Variants in SH3RF3 observed in about 807,000 individuals in gnomAD.
SH3RF3 encodes E3 ubiquitin-protein ligase SH3RF3.
Under a neutral mutation model 66.3 loss-of-function variants are expected in SH3RF3, and 29 were observed. The observed-to-expected ratio is 0.44, with a 90% CI of 0.33 to 0.60. The LOEUF is 0.60. Among genes scored for constraint, SH3RF3 ranks in the 20% least tolerant of loss-of-function variants. The pLI is 0.04. For missense variants in SH3RF3, 1,194 were observed against 1,190.9 expected, an observed-to-expected ratio of 1.00 and a Z score of -0.04; for synonymous variants, 583 against 532.0, an observed-to-expected ratio of 1.10 and a Z score of -1.32.
intron 2 of SH3RF3, among the ~76,000 whole-genome samples, chr2:109,360,029 T>G (rs1325149041): frequency 1.3e-5 from 2 of 149,970 alleles, no homozygotes; most frequent in African/African-American, 4.9e-5. Flanking sequence ...ACCCACTTAC[T>G]GGTCCCTTAA....
At chr2:109,281,134 T>C (rs1384817873) in intron 1 of SH3RF3, among the ~76,000 whole-genome samples, 1 of 152,200 alleles carries the variant, frequency 6.6e-6, no homozygotes, top group South Asian at 2.1e-4. Flanking sequence ...AGTTGTCACC[T>C]ATGCCATAGG....
chr2:109,343,829 C>T (rs543499989), intron 1 of SH3RF3, among the ~76,000 whole-genome samples: 3 of 151,814 alleles, frequency 2.0e-5, no homozygotes, highest in Admixed American at 1.3e-4. Flanking sequence ...ACTGCAGCCT[C>T]GAACTCCCAG....
intron 1 of SH3RF3, among the ~76,000 whole-genome samples, chr2:109,218,015 A>G (rs1330739504): frequency 6.6e-6 from 1 of 152,142 alleles, no homozygotes; most frequent in East Asian, 1.9e-4. Context: ...GTTTGCTTGG[A>G]TGGAACCAGG....
At chr2:109,446,776 T>A (rs1353581884) in intron 7 of SH3RF3, among the ~76,000 whole-genome samples, 1 of 150,680 alleles carries the variant, frequency 6.6e-6, no homozygotes, top group East Asian at 2.0e-4. Context: ...CCTCTCTTCT[T>A]TGGTGCCTGG....
At chr2:109,346,293 C>T (rs776753690) in intron 1 of SH3RF3, among the ~76,000 whole-genome samples, 6 of 152,048 alleles carry the variant, frequency 3.9e-5, no homozygotes, top group South Asian at 2.1e-4. Flanking sequence ...TAACTGCTGT[C>T]GTTTGACGTT....
intron 6 of SH3RF3, among the ~76,000 whole-genome samples, chr2:109,435,746 C>G (rs965007414): frequency 6.6e-6 from 1 of 152,364 alleles, no homozygotes; most frequent in Non-Finnish European, 1.5e-5. Flanking sequence ...AGTGACTCAT[C>G]ATTTGTGAGC....
chr2:109,437,006 C>T lies in SH3RF3; in HGVS notation c.1688C>T (p.Ala563Val). 1 of 1,613,880 alleles carries T rather than the reference C, an allele frequency of 6.2e-7. No individual in the cohort carries two copies. Among genetic ancestry groups the T allele is most frequent in the Non-Finnish European group, 8.5e-7 (1 of 1,179,886 alleles). ...HPGSGSLSSL[A>V]TATRPALPIT... The stretch of plus-strand genomic sequence containing the variant: ...GGCAGTGGGAGTCTGAGCAGCCTGG[C>T]CACTGCCACCAGGCCCGCCCTGCCC... Residue 563 changes from alanine to valine, a missense_variant, in exon 7 of 10, where the codon GCC becomes GTC. Ala to Val is a moderately conservative substitution (Grantham distance 64). Transcript: ENST00000309415.
chr2:109,488,114 G>A (rs957093401), intron 8 of SH3RF3, among the ~76,000 whole-genome samples: 1 of 152,186 alleles, frequency 6.6e-6, no homozygotes, highest in African/African-American at 2.4e-5. Flanking sequence ...CTGCAGAGTG[G>A]GCTCCGCCGG....
Position 109,129,276 on chromosome 2 carries a change from G to A in SH3RF3, c.-265G>A. ...CGCGGGGCGGACTTGCGGCGGGACA[G>A]GTGTAGCCCGCAGCCGCAGGCGCTG... is the stretch of plus-strand genomic sequence containing the variant. On this transcript the variant is annotated 5_prime_UTR_variant, in exon 1 of 10. Coordinates refer to ENST00000309415, the MANE Select transcript of SH3RF3 (RefSeq NM_001099289.3). The A allele has an allele frequency of 1.6e-6, 1 of 636,630 alleles. No homozygotes were observed. Among genetic ancestry groups the A allele is most frequent in the Non-Finnish European group, 2.7e-6 (1 of 367,412 alleles). 39.4% of individuals were successfully genotyped at this position (636,630 alleles called of 1,614,324 possible).
At chr2:109,422,497 A>C (rs2104530925) in intron 5 of SH3RF3, among the ~76,000 whole-genome samples, 1 of 152,294 alleles carries the variant, frequency 6.6e-6, no homozygotes, top group Non-Finnish European at 1.5e-5. Flanking sequence ...CTAAGGGCTC[A>C]GTTGCCCGGA....
At chr2:109,190,118 A>G (rs1678309306) in intron 1 of SH3RF3, among the ~76,000 whole-genome samples, 1 of 152,212 alleles carries the variant, frequency 6.6e-6, no homozygotes, top group African/African-American at 2.4e-5. Flanking sequence ...TGTGTAGGTG[A>G]ATATTAACAA....
chr2:109,501,150 G>A (rs971808419), intron 9 of SH3RF3, among the ~76,000 whole-genome samples: 4 of 151,954 alleles, frequency 2.6e-5, no homozygotes, highest in South Asian at 4.2e-4. Flanking sequence ...ACCCTCCCCC[G>A]CCCCTGCCCC....
intron 8 of SH3RF3, among the ~76,000 whole-genome samples, chr2:109,458,625 G>A: frequency 1.3e-5 from 1 of 74,932 alleles, no homozygotes; most frequent in East Asian, 4.3e-4. Context: ...AAGGAATTAT[G>A]TGACTGTGGA....
chr2:109,339,693 ACTC>A (rs1470474457), intron 1 of SH3RF3, among the ~76,000 whole-genome samples: 1 of 151,906 alleles, frequency 6.6e-6, no homozygotes, highest in Admixed American at 6.6e-5. Context: ...TTGCTCAAGT[ACTC>A]CTCTAAGTAC....
intron 1 of SH3RF3, among the ~76,000 whole-genome samples, chr2:109,240,764 G>A (rs1679758124): frequency 6.6e-6 from 1 of 151,134 alleles, no homozygotes; most frequent in South Asian, 2.1e-4. Flanking sequence ...ATTTCCTCCT[G>A]TCGTCCTTCT....
At chr2:109,313,350 C>T (rs7570560) in intron 1 of SH3RF3, among the ~76,000 whole-genome samples, 47,512 of 152,174 alleles carry the variant, frequency 0.31, 9,196 homozygotes, top group African/African-American at 0.55. Flanking sequence ...TATTTAAATG[C>T]AGTTCAGCCT....
rs188307938 is a variant in SH3RF3 at position 109,418,225 on chromosome 2, G to A, written c.1300-1314G>A. 4.9e-4 allele frequency among the ~76,000 whole-genome samples: 75 copies of A among 152,192 alleles called. 1 individual carries two copies. Among genetic ancestry groups the A allele is most frequent in the Admixed American group, 4.9e-3 (75 of 15,282 alleles). ...AGGCCTACACGGGATCCTAGAGGAAGGGAGGAGACCCCTGTCTCCCTCCTT... is the reference window on the plus strand; with the variant it reads ...AGGCCTACACGGGATCCTAGAGGAAAGGAGGAGACCCCTGTCTCCCTCCTT... On this transcript the variant is annotated intron_variant, in intron 4 of 9. Transcript: ENST00000309415.
chr2:109,133,699 T>A (rs534271424), intron 1 of SH3RF3, among the ~76,000 whole-genome samples: 1 of 151,072 alleles, frequency 6.6e-6, no homozygotes, highest in South Asian at 2.1e-4. Context: ...TCATACATGG[T>A]CATCTTGATT....
intron 2 of SH3RF3, among the ~76,000 whole-genome samples, chr2:109,354,883 T>C (rs1682916101): frequency 6.6e-6 from 1 of 152,270 alleles, no homozygotes; most frequent in South Asian, 2.1e-4. Flanking sequence ...GGTCCTACCA[T>C]GTCACCTGAA....
Sources: gnomAD v4.1 joint callset for allele counts (sites outside exome capture counted in the v4.1 genomes callset) on GRCh38, gnomAD v4.1.1 for gene constraint, MANE v1.5 for transcripts, NCBI Gene and HGNC (gene_info 2026-07-23, HGNC 2026-07-21) for gene names.